The following CACNA1D variants were observed in gnomAD, a reference collection of about 807,000 sequenced individuals.
CACNA1D encodes the protein voltage-dependent L-type calcium channel subunit alpha-1D.
A neutral mutation model predicts 257.1 loss-of-function variants in CACNA1D; 55 were observed. The ratio of observed to expected loss-of-function variants is 0.21; its 90% CI spans 0.17 to 0.27. CACNA1D has a LOEUF of 0.27. Ranked by LOEUF, CACNA1D falls within the 10% of genes least tolerant of loss-of-function variation. The probability of loss-of-function intolerance (pLI) is 1.00; values close to 1 mark genes in which losing one functional copy is unlikely to be tolerated. For missense variants in CACNA1D, 1,876 were observed against 2,784.0 expected, an observed-to-expected ratio of 0.67 and a Z score of 7.34; for synonymous variants, 980 against 1,014.9, an observed-to-expected ratio of 0.97 and a Z score of 0.65.
chr3:53,744,697 T>C (rs764224905), intron 22 of CACNA1D, 43 bp from the exon 23 acceptor site: 14 of 1,059,624 alleles, frequency 1.3e-5, no homozygotes, highest in Non-Finnish European at 2.1e-5. Flanking sequence ...ATCCTGTCCA[T>C]TTATAACACG....
At chr3:53,538,251 GT>G (rs2092182509) in intron 3 of CACNA1D, among the ~76,000 whole-genome samples, 1 of 146,614 alleles carries the variant, frequency 6.8e-6, no homozygotes, top group South Asian at 2.3e-4. Flanking sequence ...CAGTTCAAGC[GT>G]TTCTCGTGCC....
At chr3:53,770,089 C>G (rs1294833472) in intron 31 of CACNA1D, 72 bp downstream of exon 31, 1 of 1,206,534 alleles carries the variant, frequency 8.3e-7, no homozygotes, top group African/African-American at 1.5e-5. Flanking sequence ...GAGTTTTCCA[C>G]TGGTTTTTCT....
intron 2 of CACNA1D, among the ~76,000 whole-genome samples, chr3:53,498,297 A>C (rs1451974327): frequency 6.6e-6 from 1 of 152,150 alleles, no homozygotes; most frequent in African/African-American, 2.4e-5. Context: ...TTGTATTTTT[A>C]AAATTGAACT....
At chr3:53,683,547 TGAAAA>T (rs1339190232) in intron 8 of CACNA1D, among the ~76,000 whole-genome samples, 4 of 151,904 alleles carry the variant, frequency 2.6e-5, no homozygotes, top group Non-Finnish European at 5.9e-5. Context: ...CTATAAGACA[TGAAAA>T]GAAGCAGGAA....
At position 53,578,321 on chromosome 3, in the gene CACNA1D, T is replaced by C. The variant is rs1575949207; in HGVS notation, c.484-72458T>C. Reference sequence around the variant, plus strand: ...AGGGGTGTGGTTTTATAGGCATAGCTGTTGGGGGCAGAGTGGGGTGGAAGG... The same window carrying C: ...AGGGGTGTGGTTTTATAGGCATAGCCGTTGGGGGCAGAGTGGGGTGGAAGG... On this transcript the variant is annotated intron_variant, in intron 3 of 47. Coordinates refer to ENST00000350061, the MANE Select transcript of CACNA1D (RefSeq NM_001128840.3). Among the ~76,000 whole-genome samples the C allele has an allele frequency of 3.3e-5, 5 of 151,856 alleles. No individual in the cohort carries two copies. In the South Asian group the frequency reaches 1.0e-3, roughly 32 times the overall value.
intron 3 of CACNA1D, among the ~76,000 whole-genome samples, chr3:53,558,440 G>A (rs2107622081): frequency 6.6e-6 from 1 of 152,174 alleles, no homozygotes; most frequent in East Asian, 1.9e-4. Flanking sequence ...GTTATTATAG[G>A]CCTGTTCCAA....
intron 46 of CACNA1D, chr3:53,809,572 A>G (rs1576749020): frequency 3.4e-6 from 1 of 291,212 alleles, no homozygotes; most frequent in African/African-American, 2.2e-5. Flanking sequence ...CAGAGCAAAG[A>G]GAACCAGCTG....
chr3:53,596,068 C>T lies in CACNA1D; in HGVS notation c.484-54711C>T, dbSNP rs548030783. Among the ~76,000 whole-genome samples, 11 of 152,152 alleles carry T rather than the reference C, an allele frequency of 7.2e-5. No homozygotes were observed. In the South Asian group the frequency reaches 1.2e-3, roughly 17 times the overall value. On this transcript the variant is annotated intron_variant, in intron 3 of 47. Transcript: ENST00000350061. ...TGCTTTAAATACCAAAAAGAGATGG[C>T]GAATAAGATTGGGATCCATGGGGCT...
At chr3:53,628,911 G>A (rs546065016) in intron 3 of CACNA1D, among the ~76,000 whole-genome samples, 2 of 152,232 alleles carry the variant, frequency 1.3e-5, no homozygotes, top group African/African-American at 2.4e-5. Context: ...AACAAGGCTA[G>A]GTAATCACTA....
chr3:53,514,731 C>G (rs1484141523), intron 3 of CACNA1D, among the ~76,000 whole-genome samples: 3 of 152,156 alleles, frequency 2.0e-5, no homozygotes, highest in Non-Finnish European at 4.4e-5. Context: ...GACCAGCCGG[C>G]TTGCTCTGGG....
At chr3:53,783,196 C>T (rs2095435146) in intron 39 of CACNA1D, 1 of 152,348 alleles carries the variant, frequency 6.6e-6, no homozygotes, top group South Asian at 2.1e-4. Flanking sequence ...TCTTGGAACG[C>T]CACCTTCATC....
At chr3:53,806,186 TCCC>T (rs1334407212) in intron 45 of CACNA1D, among the ~76,000 whole-genome samples, 1 of 26,924 alleles carries the variant, frequency 3.7e-5, no homozygotes, top group African/African-American at 8.0e-5. Flanking sequence ...TCCCTCCTCC[TCCC>T]TCCTCCCTCC....
intron 3 of CACNA1D, among the ~76,000 whole-genome samples, chr3:53,563,777 C>G (rs764858479): frequency 7.2e-5 from 11 of 152,188 alleles, no homozygotes; most frequent in Non-Finnish European, 1.6e-4. Flanking sequence ...TATACTTTGA[C>G]TGTTGGTGGA....
In CACNA1D at chr3:53,811,603, G is replaced by C. The variant is rs1264118939; in HGVS notation, c.*197G>C. On this transcript the variant is annotated 3_prime_UTR_variant, in exon 48 of 48. Coordinates refer to ENST00000350061, the MANE Select transcript of CACNA1D (RefSeq NM_001128840.3). The surrounding 1 kb of genome is among the most constrained non-coding windows in gnomAD (Gnocchi z 4.2). Reference sequence around the variant, plus strand: ...AGGTCCCAAGCGGTTGAGCCTGGCAGAGTACCATGCGCTCGGCCCCAGCTG... The same window carrying C: ...AGGTCCCAAGCGGTTGAGCCTGGCACAGTACCATGCGCTCGGCCCCAGCTG... 1.9e-6 allele frequency: 1 copy of C among 534,690 alleles called. No homozygotes were observed. Among genetic ancestry groups the C allele is most frequent in the South Asian group, 2.8e-5 (1 of 35,722 alleles). The allele number at this position is 534,690 out of a possible 1,614,324, so 33.1% of individuals were successfully genotyped here. A position where few individuals can be genotyped will look rare whatever the true frequency, so the allele number is the denominator to read the frequency against.
intron 9 of CACNA1D, among the ~76,000 whole-genome samples, chr3:53,714,516 G>A (rs1408764779): frequency 2.6e-5 from 4 of 152,242 alleles, no homozygotes; most frequent in South Asian, 2.1e-4. Context: ...TGCTGTCGTC[G>A]GTCACTGAGC....
intron 3 of CACNA1D, among the ~76,000 whole-genome samples, chr3:53,632,532 T>G (rs2093833125): frequency 6.6e-6 from 1 of 152,136 alleles, no homozygotes; most frequent in East Asian, 1.9e-4. Flanking sequence ...TGCTTTGCAT[T>G]CACAACTTGG....
chr3:53,752,469 G>A (rs1038887355), intron 28 of CACNA1D, among the ~76,000 whole-genome samples: 3 of 152,136 alleles, frequency 2.0e-5, no homozygotes, highest in Admixed American at 1.3e-4. Flanking sequence ...GCGCGATCTC[G>A]GCTCACTGCA....
chr3:53,737,754 C>A (rs1033854849), intron 20 of CACNA1D, among the ~76,000 whole-genome samples: 2 of 152,296 alleles, frequency 1.3e-5, no homozygotes, highest in East Asian at 3.9e-4. Flanking sequence ...ACCCAGGAGG[C>A]GGAGGTTGCA....
chr3:53,619,201 C>G (rs1371525153), intron 3 of CACNA1D, among the ~76,000 whole-genome samples: 1 of 152,198 alleles, frequency 6.6e-6, no homozygotes, highest in Non-Finnish European at 1.5e-5. Flanking sequence ...AAGCCTTGCC[C>G]AGGGCTTTCC....
Sources: allele counts gnomAD v4.1 joint callset (sites outside exome capture counted in the v4.1 genomes callset), GRCh38; gene constraint gnomAD v4.1.1; non-coding constraint Gnocchi (gnomAD v3.1); transcripts MANE v1.5; gene names NCBI Gene and HGNC (gene_info 2026-07-23, HGNC 2026-07-21).